The following ARID1B variants were observed in gnomAD, a reference collection of about 807,000 sequenced individuals.
ARID1B encodes the protein AT-rich interactive domain-containing protein 1B.
Under a neutral mutation model 212.3 loss-of-function variants are expected in ARID1B, and 30 were observed. The ratio of observed to expected loss-of-function variants is 0.14; its 90% CI spans 0.11 to 0.19. The LOEUF is 0.19. Ranked by LOEUF, ARID1B falls within the 10% of genes least tolerant of loss-of-function variation. The pLI is 1.00. For missense variants in ARID1B, 2,891 were observed against 3,204.0 expected, an observed-to-expected ratio of 0.90 and a Z score of 2.36; for synonymous variants, 1,402 against 1,301.7, an observed-to-expected ratio of 1.08 and a Z score of -1.66.
chr6:156,994,301 T>C (rs1778449838), intron 4 of ARID1B, among the ~76,000 whole-genome samples: 1 of 152,196 alleles, frequency 6.6e-6, no homozygotes, highest in Non-Finnish European at 1.5e-5. Flanking sequence ...TTCAGTCAGA[T>C]CTGACTGTAT....
At chr6:156,918,218 T>C (rs940860299) in intron 3 of ARID1B, among the ~76,000 whole-genome samples, 5 of 152,216 alleles carry the variant, frequency 3.3e-5, no homozygotes, top group Non-Finnish European at 7.3e-5. Flanking sequence ...GGACAGAGGC[T>C]GTGATCCATT....
intron 4 of ARID1B, among the ~76,000 whole-genome samples, chr6:157,049,003 A>G (rs560003958): frequency 1.6e-4 from 24 of 152,048 alleles, no homozygotes; most frequent in Non-Finnish European, 3.1e-4. Flanking sequence ...GTAAAGCCCC[A>G]TCTCTACTAA....
chr6:156,781,317 A>G (rs551238661), intron 1 of ARID1B, among the ~76,000 whole-genome samples: 1 of 152,168 alleles, frequency 6.6e-6, no homozygotes, highest in Admixed American at 6.5e-5. Context: ...AGATTAGGTA[A>G]TTTGAGCCTT....
chr6:157,137,518 TTTC>T (rs1789019230), intron 7 of ARID1B, among the ~76,000 whole-genome samples: 1 of 152,248 alleles, frequency 6.6e-6, no homozygotes, highest in Non-Finnish European at 1.5e-5. Context: ...AGCCTTTTTA[TTTC>T]TTAAGGACAA....
intron 1 of ARID1B, among the ~76,000 whole-genome samples, chr6:156,810,197 T>C (rs575858776): frequency 2.2e-4 from 33 of 152,364 alleles, no homozygotes; most frequent in African/African-American, 7.9e-4. Context: ...CATTGTCCTA[T>C]ATTGGTATTA....
At chr6:156,804,309 C>G (rs1240508041) in intron 1 of ARID1B, among the ~76,000 whole-genome samples, 2 of 149,858 alleles carry the variant, frequency 1.3e-5, no homozygotes, top group Admixed American at 1.3e-4. Context: ...GCACACCAGC[C>G]TGGGTGACAG....
At chr6:156,968,034 G>A (rs1440458587) in intron 4 of ARID1B, among the ~76,000 whole-genome samples, 2 of 152,160 alleles carry the variant, frequency 1.3e-5, no homozygotes, top group Non-Finnish European at 2.9e-5. Context: ...TAGGTCACAC[G>A]TGACCTTTCC....
rs61738955 is a variant in ARID1B, at chr6:157,201,226, G to A, written c.5001G>A (p.Pro1667=). ...CACAGCCGTCCTACCAGACGCCACC[G>A]TCACTGCCAAATCACATCTCCAGGG... ...RPPQPSYQTP[P]SLPNHISRAP... is the part of the protein sequence containing the mutation. Residue 1667 remains proline (P), a synonymous_variant, in exon 18 of 20, where the codon CCG becomes CCA. Transcript: ENST00000636930. The surrounding 1 kb of genome is among the most constrained non-coding windows in gnomAD (Gnocchi z 5.2). 56,078 of 1,613,808 alleles carry A rather than the reference G, an allele frequency of 0.035. 1,059 individuals are homozygous for A. The highest frequency in any genetic ancestry group is 0.04 in the Non-Finnish European group (47,261 of 1,179,862).
chr6:157,098,986 C>T (rs6935652), intron 5 of ARID1B, among the ~76,000 whole-genome samples: 2,520 of 152,068 alleles, frequency 0.017, 65 homozygotes, highest in African/African-American at 0.055. Flanking sequence ...TTTTTTGAGA[C>T]GGAGTCTCGC....
intron 2 of ARID1B, among the ~76,000 whole-genome samples, chr6:156,837,682 G>A (rs1783606643): frequency 6.6e-6 from 1 of 152,144 alleles, no homozygotes. Context: ...TAAATCTGTA[G>A]TTGTGAATGA....
rs947648579 is a variant in ARID1B at position 157,201,807 on chromosome 6, G to C, written c.5263+319G>C. Among the ~76,000 whole-genome samples, 4 of 152,184 alleles carry C rather than the reference G, an allele frequency of 2.6e-5. No homozygotes were observed. In the East Asian group the frequency reaches 5.8e-4, roughly 22 times the overall value. On this transcript the variant is annotated intron_variant, in intron 18 of 19. Coordinates refer to ENST00000636930, the MANE Select transcript of ARID1B (RefSeq NM_001374828.1). This position sits in a 1 kb window ranked among gnomAD's most constrained non-coding sequence, Gnocchi z 5.2. ...CGGTGAAATAAAATGGTAGTTTTAC[G>C]TGTGAATGTTATTTGTGTGAAAGAT...
At chr6:157,016,614 T>A (rs191663472) in intron 4 of ARID1B, among the ~76,000 whole-genome samples, 1 of 152,318 alleles carries the variant, frequency 6.6e-6, no homozygotes, top group East Asian at 1.9e-4. Flanking sequence ...GTCGGCATGG[T>A]CTCATTGTGA....
intron 4 of ARID1B, chr6:157,036,986 T>C (rs1781373550): frequency 2.5e-6 from 1 of 397,298 alleles, no homozygotes; most frequent in Non-Finnish European, 4.9e-6. Flanking sequence ...ATCAAAACAC[T>C]GAGGTTTAAA....
chr6:156,928,467 C>A (rs1044376481), intron 3 of ARID1B, among the ~76,000 whole-genome samples: 1 of 152,118 alleles, frequency 6.6e-6, no homozygotes, highest in African/African-American at 2.4e-5. Context: ...AGGAACAGGT[C>A]TGTGGGGTCA....
rs750234084 is a variant in ARID1B at position 157,207,122 on chromosome 6, C to G, written c.6350C>G (p.Thr2117Ser). 1 of 1,614,134 alleles carries G rather than the reference C, an allele frequency of 6.2e-7. No homozygotes were observed. The highest frequency in any genetic ancestry group is 1.3e-5 in the African/African-American group (1 of 74,996). ...EHPERKRAPQ[T>S]YEKEEDEDKG... ...CCAGAGAGAAAGCGAGCACCGCAGA[C>G]CTATGAGAAAGAGGAGGATGAGGAC... The change falls in exon 20 of 20, where the codon ACC (threonine) becomes AGC (serine). Residue 2117 changes from threonine to serine, a missense_variant. Coordinates refer to ENST00000636930, the MANE Select transcript of ARID1B (RefSeq NM_001374828.1). The surrounding 1 kb of genome is among the most constrained non-coding windows in gnomAD (Gnocchi z 8.5).
intron 5 of ARID1B, among the ~76,000 whole-genome samples, chr6:157,106,384 C>A (rs555355868): frequency 1.3e-5 from 2 of 152,170 alleles, no homozygotes; most frequent in African/African-American, 4.8e-5. Context: ...TCTGGAGGCT[C>A]GACTAGGGAA....
At chr6:157,145,597 G>A (rs1409135323) in intron 7 of ARID1B, among the ~76,000 whole-genome samples, 1 of 152,216 alleles carries the variant, frequency 6.6e-6, no homozygotes, top group Non-Finnish European at 1.5e-5. Flanking sequence ...AGATTTGTAG[G>A]TGATAGAACT....
chr6:156,913,455 G>T (rs113631588), intron 3 of ARID1B, among the ~76,000 whole-genome samples: 5,755 of 151,896 alleles, frequency 0.038, 341 homozygotes, highest in African/African-American at 0.12. Flanking sequence ...CTGACCTTGT[G>T]ATCTGCCTGC....
intron 4 of ARID1B, among the ~76,000 whole-genome samples, chr6:157,047,695 G>A (rs1255359149): frequency 6.6e-6 from 1 of 152,218 alleles, no homozygotes; most frequent in African/African-American, 2.4e-5. Context: ...AAGAGAGCAA[G>A]GAGTTATGCT....
Sources: gnomAD v4.1 joint callset for allele counts (sites outside exome capture counted in the v4.1 genomes callset) on GRCh38, gnomAD v4.1.1 for gene constraint, Gnocchi (gnomAD v3.1) non-coding constraint, MANE v1.5 for transcripts, NCBI Gene and HGNC (gene_info 2026-07-23, HGNC 2026-07-21) for gene names.